Variants in ADORA1 observed in about 807,000 individuals in gnomAD.
The protein encoded by ADORA1 is adenosine A1 receptor.
ADORA1 carries 6 observed loss-of-function variants against 19.9 expected under a neutral mutation model. The observed-to-expected ratio is 0.30, with a 90% CI of 0.17 to 0.59. The LOEUF is 0.59. Ranked by LOEUF, ADORA1 falls within the 20% of genes least tolerant of loss-of-function variation. ADORA1 has a pLI of 0.87. For synonymous variants in ADORA1, 194 were observed against 188.4 expected (o/e 1.03, Z -0.24); for missense variants, 302 against 439.2 (o/e 0.69, Z 2.79).
Position 203,150,557 on chromosome 1 carries a change from T to G in ADORA1, c.342-14704T>G, listed in dbSNP as rs978421384. The G allele has an allele frequency of 8.8e-6, 11 of 1,245,940 alleles. No individual in the cohort carries two copies. In the African/African-American group the frequency reaches 1.2e-4, roughly 14 times the overall value. The allele number at this position is 1,245,940 out of a possible 1,614,324, so 77.2% of individuals were successfully genotyped here. On this transcript the variant is annotated intron_variant, in intron 3 of 3. Transcript: ENST00000337894. ...GGGTCCTTCCTGCTGTTATTTGGGC[T>G]CTACACCCCTTTGCCTGGTTGCAAG...
intron 3 of ADORA1, among the ~76,000 whole-genome samples, chr1:203,147,784 T>C (rs1298606536): frequency 6.6e-6 from 1 of 152,228 alleles, no homozygotes; most frequent in African/African-American, 2.4e-5. Context: ...AAATACAAAA[T>C]TGACTTTAAA....
Position 203,128,211 on chromosome 1 carries a change from CAG to C in ADORA1, c.-212-66_-212-65del, listed in dbSNP as rs1654211677. The stretch of plus-strand genomic sequence containing the variant: ...TGCCACCCCAGTCCCAGGTGCGAAA[CAG>C]GGGCGCTACCTCTTTAAAAGCGTCC... On this transcript the variant is annotated intron_variant, in intron 1 of 3. Coordinates refer to ENST00000337894, the MANE Select transcript of ADORA1 (RefSeq NM_000674.3). The surrounding 1 kb of genome is among the most constrained non-coding windows in gnomAD (Gnocchi z 5.9). The C allele has an allele frequency of 1.7e-5, 13 of 759,870 alleles. No individual in the cohort carries two copies. Among genetic ancestry groups the C allele is most frequent in the Non-Finnish European group, 2.2e-5 (12 of 546,140 alleles). 47.1% of individuals were successfully genotyped at this position (759,870 alleles called of 1,614,324 possible). A position where few individuals can be genotyped will look rare whatever the true frequency, so the allele number is the denominator to read the frequency against.
intron 3 of ADORA1, among the ~76,000 whole-genome samples, chr1:203,135,614 TG>T (rs1230092045): frequency 2.0e-5 from 3 of 149,770 alleles, no homozygotes; most frequent in Non-Finnish European, 4.4e-5. Context: ...GCTGAGATCA[TG>T]CCACTGCACT....
At chr1:203,142,181 TG>T (rs1367686945) in intron 3 of ADORA1, among the ~76,000 whole-genome samples, 2 of 152,188 alleles carry the variant, frequency 1.3e-5, no homozygotes, top group Non-Finnish European at 2.9e-5. Flanking sequence ...ACTCCATAAG[TG>T]GGGCTGTTAC....
intron 3 of ADORA1, among the ~76,000 whole-genome samples, chr1:203,148,264 G>A (rs1654924473): frequency 2.0e-5 from 3 of 152,214 alleles, no homozygotes; most frequent in Admixed American, 1.3e-4. Flanking sequence ...AGCTGGCCTA[G>A]GTTGCAATGA....
chr1:203,158,449 AT>A (rs898340430), intron 3 of ADORA1, among the ~76,000 whole-genome samples: 3 of 152,186 alleles, frequency 2.0e-5, no homozygotes, highest in African/African-American at 7.2e-5. Context: ...GATCACGACC[AT>A]TCAAATCATC....
At chr1:203,140,290 A>T (rs1024822337) in intron 3 of ADORA1, among the ~76,000 whole-genome samples, 1 of 152,062 alleles carries the variant, frequency 6.6e-6, no homozygotes, top group African/African-American at 2.4e-5. Context: ...GAGGCTGTGG[A>T]GATGGACAGA....
At chr1:203,145,664 C>G (rs913430623) in intron 3 of ADORA1, among the ~76,000 whole-genome samples, 3 of 152,236 alleles carry the variant, frequency 2.0e-5, no homozygotes, top group Non-Finnish European at 4.4e-5. Flanking sequence ...TGAGCCTGGG[C>G]TTCTACCTCG....
intron 3 of ADORA1, among the ~76,000 whole-genome samples, chr1:203,145,544 G>A (rs969423568): frequency 6.6e-6 from 1 of 152,262 alleles, no homozygotes; most frequent in African/African-American, 2.4e-5. Context: ...AATCCTGAAT[G>A]CAGCCTGGAG....
intron 3 of ADORA1, among the ~76,000 whole-genome samples, chr1:203,139,050 C>G (rs1654598535): frequency 6.6e-6 from 1 of 152,170 alleles, no homozygotes; most frequent in Non-Finnish European, 1.5e-5. Flanking sequence ...AACTCCTGAC[C>G]TCCAGTGATC....
chr1:203,151,788 G>GAATTCATT (rs1553268499), intron 3 of ADORA1, among the ~76,000 whole-genome samples: 6 of 151,208 alleles, frequency 4.0e-5, no homozygotes, highest in African/African-American at 1.5e-4. Context: ...ATGCATGCAT[G>GAATTCATT]CATTCATTCA....
chr1:203,159,544 C>G (rs1013144924), intron 3 of ADORA1, among the ~76,000 whole-genome samples: 1 of 152,166 alleles, frequency 6.6e-6, no homozygotes, highest in African/African-American at 2.4e-5. Context: ...TCCTTTGGCT[C>G]TCGGCTCATT....
At chr1:203,161,927 C>A (rs1207481818) in intron 3 of ADORA1, among the ~76,000 whole-genome samples, 1 of 152,126 alleles carries the variant, frequency 6.6e-6, no homozygotes, top group Non-Finnish European at 1.5e-5. Context: ...GTGGACGGGG[C>A]CCCTCTTGGT....
At chr1:203,153,575 G>A (rs1454899170) in intron 3 of ADORA1, among the ~76,000 whole-genome samples, 1 of 152,134 alleles carries the variant, frequency 6.6e-6, no homozygotes, top group Admixed American at 6.5e-5. Flanking sequence ...CTGGCCCTGG[G>A]GTGTCAGCCC....
chr1:203,140,082 C>T (rs979082372), intron 3 of ADORA1, among the ~76,000 whole-genome samples: 6 of 152,086 alleles, frequency 3.9e-5, no homozygotes, highest in Non-Finnish European at 4.4e-5. Flanking sequence ...TATCACCACC[C>T]GAAAGGGTTC....
At chr1:203,160,551 G>C (rs192264206) in intron 3 of ADORA1, among the ~76,000 whole-genome samples, 65 of 152,272 alleles carry the variant, frequency 4.3e-4, no homozygotes, top group Admixed American at 1.6e-3. Context: ...AGTGGTGCAC[G>C]CCTGTAATCC....
rs114942954 is a variant in ADORA1, at chr1:203,129,436, C to T, written c.341+254C>T. ...ACCTCAGAGCTGAAGCTCTTGCAGCCAGGGAACCTGAGGCTGCCTGTCAGG... is the reference window on the plus strand; with the variant it reads ...ACCTCAGAGCTGAAGCTCTTGCAGCTAGGGAACCTGAGGCTGCCTGTCAGG... On this transcript the variant is annotated intron_variant, in intron 3 of 3. Coordinates refer to ENST00000337894, the MANE Select transcript of ADORA1 (RefSeq NM_000674.3). Among the ~76,000 whole-genome samples, 469 of 152,272 alleles carry T rather than the reference C, an allele frequency of 3.1e-3. 3 individuals carry two copies. Among genetic ancestry groups the T allele is most frequent in the African/African-American group, 0.011 (451 of 41,544 alleles).
At chr1:203,130,800 G>A (rs766964456) in intron 3 of ADORA1, among the ~76,000 whole-genome samples, 5 of 152,248 alleles carry the variant, frequency 3.3e-5, no homozygotes, top group Admixed American at 2.0e-4. Flanking sequence ...TACTTGCCCT[G>A]TGGGGCTGGG....
At chr1:203,150,897 A>G (rs1378229892) in intron 3 of ADORA1, 1 of 991,482 alleles carries the variant, frequency 1.0e-6, no homozygotes, top group Non-Finnish European at 1.3e-6. Context: ...AAGCTCAGTG[A>G]CAGCAGCTGC....
Sources: gnomAD v4.1 joint callset for allele counts (sites outside exome capture counted in the v4.1 genomes callset) on GRCh38, gnomAD v4.1.1 for gene constraint, Gnocchi (gnomAD v3.1) non-coding constraint, MANE v1.5 for transcripts, NCBI Gene and HGNC (gene_info 2026-07-23, HGNC 2026-07-21) for gene names.